NLGN1: variants seen among roughly 807,000 people sequenced by gnomAD.
NLGN1 encodes the protein neuroligin 1, also known as neuroligin-1.
Under a neutral mutation model 65.5 loss-of-function variants are expected in NLGN1, and 12 were observed. The ratio of observed to expected loss-of-function variants is 0.18; its 90% CI spans 0.12 to 0.30. The LOEUF (loss-of-function observed/expected upper bound fraction) is 0.30, where lower values mean the gene tolerates loss of function less well. Among genes scored for constraint, NLGN1 ranks in the 10% least tolerant of loss-of-function variants. The pLI, the probability that NLGN1 is intolerant of heterozygous loss-of-function variation, is 1.00. For synonymous variants in NLGN1, 350 were observed against 359.5 expected (o/e 0.97, Z 0.30); for missense variants, 750 against 1,007.1 (o/e 0.74, Z 3.46).
intron 4 of NLGN1, among the ~76,000 whole-genome samples, chr3:173,868,230 T>C (rs1730551919): frequency 6.6e-6 from 1 of 152,074 alleles, no homozygotes; most frequent in African/African-American, 2.4e-5. Flanking sequence ...AGTATGGGCA[T>C]GAGAGAAAGT....
chr3:173,970,314 G>A (rs1004334821), intron 4 of NLGN1, among the ~76,000 whole-genome samples: 2 of 152,110 alleles, frequency 1.3e-5, no homozygotes, highest in African/African-American at 4.8e-5. Context: ...AATGTACAGG[G>A]TGCGTTGTGA....
intron 2 of NLGN1, among the ~76,000 whole-genome samples, chr3:173,590,120 T>C (rs1748215339): frequency 6.6e-6 from 1 of 152,156 alleles, no homozygotes; most frequent in Admixed American, 6.5e-5. Context: ...GTTGTCACAA[T>C]ATTCACACCT....
chr3:173,892,372 G>A (rs1472238361), intron 4 of NLGN1, among the ~76,000 whole-genome samples: 1 of 151,708 alleles, frequency 6.6e-6, no homozygotes, highest in Admixed American at 6.6e-5. Flanking sequence ...GTAAATGTAG[G>A]TTGGGAGGAA....
At chr3:173,429,151 A>G (rs904033985) in intron 1 of NLGN1, among the ~76,000 whole-genome samples, 1 of 152,054 alleles carries the variant, frequency 6.6e-6, no homozygotes, top group Non-Finnish European at 1.5e-5. Flanking sequence ...TGTTGAGGCT[A>G]TCCTCTAGAT....
At chr3:173,693,664 A>G (rs930915692) in intron 3 of NLGN1, among the ~76,000 whole-genome samples, 1 of 152,098 alleles carries the variant, frequency 6.6e-6, no homozygotes, top group East Asian at 1.9e-4. Flanking sequence ...GCTATACAGC[A>G]GACTAACAAA....
intron 4 of NLGN1, among the ~76,000 whole-genome samples, chr3:174,086,279 GCA>G (rs1268245292): frequency 8.8e-5 from 13 of 147,980 alleles, no homozygotes; most frequent in Non-Finnish European, 1.5e-4. Flanking sequence ...TTATGTATGT[GCA>G]TAAATATATA....
chr3:174,095,247 G>A (rs1296716685), intron 4 of NLGN1, among the ~76,000 whole-genome samples: 2 of 146,902 alleles, frequency 1.4e-5, no homozygotes, highest in Non-Finnish European at 3.0e-5. Context: ...CCATAAAGTT[G>A]CTTTATGAAA....
intron 2 of NLGN1, among the ~76,000 whole-genome samples, chr3:173,595,764 G>A (rs1749367739): frequency 6.6e-6 from 1 of 152,200 alleles, no homozygotes; most frequent in African/African-American, 2.4e-5. Flanking sequence ...ATTGCAGGAG[G>A]CAAAAGGCAC....
intron 1 of NLGN1, among the ~76,000 whole-genome samples, chr3:173,428,539 G>GA (rs57342574): frequency 0.029 from 4,362 of 151,692 alleles, 204 homozygotes; most frequent in African/African-American, 0.1. Flanking sequence ...TCAAATAAAA[G>GA]AAAAAAATGA....
intron 3 of NLGN1, among the ~76,000 whole-genome samples, chr3:173,735,127 T>C (rs988698453): frequency 1.3e-5 from 2 of 152,108 alleles, no homozygotes; most frequent in African/African-American, 4.8e-5. Flanking sequence ...TGCATGTCCA[T>C]AGTAATATTC....
Position 173,692,875 on chromosome 3 carries a change from G to A in NLGN1, c.493+87784G>A, listed in dbSNP as rs116301320. Among the ~76,000 whole-genome samples, 888 of 152,146 alleles carry A rather than the reference G, an allele frequency of 5.8e-3. 10 individuals carry two copies. Among genetic ancestry groups the A allele is most frequent in the Non-Finnish European group, 5.9e-3 (402 of 67,946 alleles). On this transcript the variant is annotated intron_variant, in intron 3 of 6. Transcript: ENST00000457714. The stretch of plus-strand genomic sequence containing the variant: ...AGAACACTGATGGAAATAAGGAGGG[G>A]TCACTTTCCCATTAACAGGTACTAT...
At position 174,124,593 on chromosome 3, in the gene NLGN1, ACG is replaced by A. The variant is rs1229739463; in HGVS notation, c.647-150721_647-150720del. Among the ~76,000 whole-genome samples the A allele has an allele frequency of 6.2e-5, 5 of 80,554 alleles. No homozygotes were observed. The East Asian group carries it at 1.5e-3, about 24-fold the overall frequency. The allele number at this position is 80,554 out of a possible 152,430, so 52.8% of individuals were successfully genotyped here. On this transcript the variant is annotated intron_variant, in intron 4 of 6. Coordinates refer to ENST00000457714, the Ensembl canonical transcript of NLGN1. ...CGTATACACATATATACGTATATAT[ACG>A]TATACATATATACGTATATATACGT... is the stretch of plus-strand genomic sequence containing the variant.
intron 4 of NLGN1, among the ~76,000 whole-genome samples, chr3:174,011,013 A>T (rs1376479648): frequency 6.6e-6 from 1 of 152,168 alleles, no homozygotes; most frequent in Non-Finnish European, 1.5e-5. Context: ...TAGAAATAGA[A>T]TACATTAACA....
chr3:173,891,860 A>G (rs1156720883), intron 4 of NLGN1, among the ~76,000 whole-genome samples: 1 of 151,822 alleles, frequency 6.6e-6, no homozygotes, highest in African/African-American at 2.4e-5. Flanking sequence ...AGAAAAGACA[A>G]AATTGCTTCT....
At chr3:173,670,973 C>T (rs370494849) in intron 3 of NLGN1, among the ~76,000 whole-genome samples, 3 of 152,042 alleles carry the variant, frequency 2.0e-5, no homozygotes, top group Non-Finnish European at 2.9e-5. Context: ...AACTTTTAAC[C>T]GTGTAATGGC....
At chr3:173,475,047 A>G (rs1023554930) in intron 2 of NLGN1, among the ~76,000 whole-genome samples, 4 of 152,180 alleles carry the variant, frequency 2.6e-5, no homozygotes, top group African/African-American at 4.8e-5. Context: ...CAATCTAAAA[A>G]TAGTTTTTAT....
At chr3:174,273,690 A>G (rs1470502675) in intron 4 of NLGN1, among the ~76,000 whole-genome samples, 1 of 151,758 alleles carries the variant, frequency 6.6e-6, no homozygotes, top group African/African-American at 2.4e-5. Flanking sequence ...TTTAGTCTTA[A>G]GGAAAGTTAA....
chr3:173,612,102 C>T (rs1003735401), intron 3 of NLGN1, among the ~76,000 whole-genome samples: 1 of 151,970 alleles, frequency 6.6e-6, no homozygotes, highest in African/African-American at 2.4e-5. Flanking sequence ...TCTCCTTCTT[C>T]CTCTCCTGGC....
At chr3:173,493,141 G>T (rs1444285337) in intron 2 of NLGN1, among the ~76,000 whole-genome samples, 2 of 151,696 alleles carry the variant, frequency 1.3e-5, no homozygotes, top group South Asian at 2.1e-4. Context: ...TGCCTATTGG[G>T]TATTATCAAC....
Sources: gnomAD v4.1 joint callset for allele counts (sites outside exome capture counted in the v4.1 genomes callset) on GRCh38, gnomAD v4.1.1 for gene constraint, MANE v1.5 for transcripts, NCBI Gene and HGNC (gene_info 2026-07-23, HGNC 2026-07-21) for gene names.